The following FANK1 variants were observed in gnomAD, a reference collection of about 807,000 sequenced individuals.
FANK1 encodes fibronectin type 3 and ankyrin repeat domains protein 1.
In FANK1, 44 loss-of-function variants were observed where a neutral mutation model predicts 45.3. The observed-to-expected ratio is 0.97, with a 90% confidence interval of 0.76 to 1.25. The LOEUF (loss-of-function observed/expected upper bound fraction) is 1.25. Ranked by LOEUF, FANK1 falls within the 50% of genes most tolerant of loss-of-function variation. The pLI is 0.00. For missense variants in FANK1, 391 were observed against 424.4 expected (o/e 0.92, Z 0.69); for synonymous variants, 149 against 152.5 (o/e 0.98, Z 0.17).
chr10:125,950,853 A>G (rs1368808856), intron 1 of FANK1, among the ~76,000 whole-genome samples: 1 of 148,826 alleles, frequency 6.7e-6, no homozygotes, highest in Non-Finnish European at 1.5e-5. Flanking sequence ...CAAATGTCCA[A>G]CAATGATAGA....
intron 1 of FANK1, among the ~76,000 whole-genome samples, chr10:125,919,607 G>C (rs1946797081): frequency 6.6e-6 from 1 of 152,008 alleles, no homozygotes. Context: ...CAGCCCTGAG[G>C]CTCATGGTGG....
At chr10:125,943,597 G>A (rs536374267) in intron 1 of FANK1, among the ~76,000 whole-genome samples, 24 of 152,208 alleles carry the variant, frequency 1.6e-4, no homozygotes, top group Middle Eastern at 3.4e-3. Flanking sequence ...ATATGTGACC[G>A]TTTGTGCAAT....
intron 1 of FANK1, among the ~76,000 whole-genome samples, chr10:125,964,186 C>CT (rs71486557): frequency 0.043 from 3,376 of 78,318 alleles, 238 homozygotes; most frequent in African/African-American, 0.098. Context: ...TTCTCTCTCT[C>CT]TTTTTTTTTT....
intron 1 of FANK1, among the ~76,000 whole-genome samples, chr10:125,910,722 A>G (rs1945922781): frequency 6.6e-6 from 1 of 152,356 alleles, no homozygotes; most frequent in Non-Finnish European, 1.5e-5. Context: ...GACGTTTGCT[A>G]TTGTGATAGG....
chr10:125,944,876 G>A (rs1306883213), intron 1 of FANK1, among the ~76,000 whole-genome samples: 1 of 152,138 alleles, frequency 6.6e-6, no homozygotes, highest in African/African-American at 2.4e-5. Flanking sequence ...CTCTGTTGGG[G>A]GCTGTCAGTT....
chr10:125,969,096 G>A (rs1218776013), intron 1 of FANK1, among the ~76,000 whole-genome samples: 1 of 151,964 alleles, frequency 6.6e-6, no homozygotes, highest in African/African-American at 2.4e-5. Flanking sequence ...TTTTACTGTT[G>A]TTCTTCCTTT....
At chr10:125,993,994 C>G (rs753274821) in intron 3 of FANK1, among the ~76,000 whole-genome samples, 4 of 152,194 alleles carry the variant, frequency 2.6e-5, no homozygotes, top group Non-Finnish European at 5.9e-5. Flanking sequence ...ACCACTGAAA[C>G]CCTCCGAGGA....
intron 1 of FANK1, among the ~76,000 whole-genome samples, chr10:125,974,387 A>T (rs1251461091): frequency 6.6e-6 from 1 of 152,004 alleles, no homozygotes; most frequent in Non-Finnish European, 1.5e-5. Context: ...GAAATACAAG[A>T]TCCTTTTTTT....
At chr10:125,935,597 A>G (rs923231840) in intron 1 of FANK1, among the ~76,000 whole-genome samples, 1 of 152,244 alleles carries the variant, frequency 6.6e-6, no homozygotes, top group Admixed American at 6.5e-5. Flanking sequence ...TATAAACACA[A>G]AAAAGATTAT....
intron 2 of FANK1, among the ~76,000 whole-genome samples, chr10:125,982,063 T>C (rs575390185): frequency 6.6e-6 from 1 of 152,376 alleles, no homozygotes; most frequent in Non-Finnish European, 1.5e-5. Flanking sequence ...TACTCAAATG[T>C]TATTTTAATC....
chr10:125,956,606 ATAG>A (rs1423539004), intron 1 of FANK1, among the ~76,000 whole-genome samples: 1 of 152,210 alleles, frequency 6.6e-6, no homozygotes, highest in African/African-American at 2.4e-5. Flanking sequence ...TAGGTTTTTA[ATAG>A]TAGAAAGTAA....
intron 1 of FANK1, among the ~76,000 whole-genome samples, chr10:125,929,873 GAAGTA>G (rs1947633175): frequency 6.6e-6 from 1 of 152,170 alleles, no homozygotes; most frequent in Non-Finnish European, 1.5e-5. Flanking sequence ...TGAAGAGGAT[GAAGTA>G]AAGTTACAAG....
At chr10:125,917,289 G>A (rs886309280) in intron 1 of FANK1, among the ~76,000 whole-genome samples, 16 of 152,150 alleles carry the variant, frequency 1.1e-4, no homozygotes, top group African/African-American at 2.7e-4. Context: ...AAAAGTAACC[G>A]AAGTAGCTTG....
At chr10:125,939,249 T>C (rs1363185187) in intron 1 of FANK1, among the ~76,000 whole-genome samples, 1 of 152,202 alleles carries the variant, frequency 6.6e-6, no homozygotes, top group African/African-American at 2.4e-5. Flanking sequence ...TGATTCTTCA[T>C]TGAATCTGAT....
Position 125,928,528 on chromosome 10 carries a change from G to A in FANK1, c.13+31873G>A, listed in dbSNP as rs114355267. Among the ~76,000 whole-genome samples, 702 of 152,272 alleles carry A rather than the reference G, an allele frequency of 4.6e-3. 3 individuals carry two copies. The highest frequency in any genetic ancestry group is 0.016 in the African/African-American group (647 of 41,546). On this transcript the variant is annotated intron_variant, in intron 1 of 10. Coordinates refer to ENST00000368693, the MANE Select transcript of FANK1 (RefSeq NM_145235.5). ...CATCCTATAACTCTCTGGGAATGCAGCCCAGTAGGTCTCAGCCTTTTTTCC... is the reference window on the plus strand; with the variant it reads ...CATCCTATAACTCTCTGGGAATGCAACCCAGTAGGTCTCAGCCTTTTTTCC...
chr10:125,899,004 C>G (rs2134097212), intron 1 of FANK1, among the ~76,000 whole-genome samples: 1 of 151,400 alleles, frequency 6.6e-6, no homozygotes. Context: ...AAGCAATCCT[C>G]TCACCTGAGC....
At chr10:125,903,796 T>C (rs1449287260) in intron 1 of FANK1, among the ~76,000 whole-genome samples, 2 of 152,126 alleles carry the variant, frequency 1.3e-5, no homozygotes, top group Non-Finnish European at 1.5e-5. Flanking sequence ...ATTACTCCTC[T>C]CTAGGCAGCC....
At chr10:125,945,540 G>T (rs943511728) in intron 1 of FANK1, among the ~76,000 whole-genome samples, 4 of 152,244 alleles carry the variant, frequency 2.6e-5, no homozygotes, top group African/African-American at 9.6e-5. Flanking sequence ...GTGCTTTTCA[G>T]ACCGGCTTAA....
chr10:125,993,049 G>A (rs546534512), intron 3 of FANK1, among the ~76,000 whole-genome samples: 1 of 152,292 alleles, frequency 6.6e-6, no homozygotes, highest in Non-Finnish European at 1.5e-5. Context: ...CTAACTGGGC[G>A]ACCTTGGACA....
Sources: gnomAD v4.1 joint callset for allele counts (sites outside exome capture counted in the v4.1 genomes callset) on GRCh38, gnomAD v4.1.1 for gene constraint, MANE v1.5 for transcripts, NCBI Gene and HGNC (gene_info 2026-07-23, HGNC 2026-07-21) for gene names.